SYT1: variants seen among roughly 807,000 people sequenced by gnomAD.
SYT1 encodes synaptotagmin 1.
SYT1 carries 8 observed loss-of-function variants against 44.8 expected under a neutral mutation model. That is an observed-to-expected ratio of 0.18 (90% CI 0.10 to 0.32). SYT1 has a LOEUF of 0.32. SYT1 is among the 10% of genes least tolerant of loss of function. SYT1 has a pLI of 1.00. For synonymous variants in SYT1, 154 were observed against 188.8 expected, an observed-to-expected ratio of 0.82 and a Z score of 1.51; for missense variants, 286 against 509.3, an observed-to-expected ratio of 0.56 and a Z score of 4.22.
At chr12:78,874,883 A>G (rs10778269) in intron 1 of SYT1, among the ~76,000 whole-genome samples, 64,671 of 151,304 alleles carry the variant, frequency 0.43, 16,121 homozygotes, top group Admixed American at 0.57. Flanking sequence ...AATTCTAGTT[A>G]TGTCCTTGCC....
chr12:79,034,756 C>A (rs1478354001), intron 2 of SYT1, among the ~76,000 whole-genome samples: 4 of 151,624 alleles, frequency 2.6e-5, no homozygotes, highest in Non-Finnish European at 1.5e-5. Flanking sequence ...ATATAAAGGT[C>A]CAGGATACCT....
chr12:79,014,059 G>A (rs1871613486), intron 2 of SYT1, among the ~76,000 whole-genome samples: 1 of 147,246 alleles, frequency 6.8e-6, no homozygotes, highest in South Asian at 2.2e-4. Flanking sequence ...CAGGAGGCAA[G>A]GGTTGCAGTG....
chr12:78,985,720 C>T (rs1243130319), intron 2 of SYT1, among the ~76,000 whole-genome samples: 1 of 151,870 alleles, frequency 6.6e-6, no homozygotes. Context: ...AATTCTGTTT[C>T]ATAATTTAGT....
chr12:79,378,776 G>A (rs1030634984), intron 9 of SYT1, among the ~76,000 whole-genome samples: 3 of 152,102 alleles, frequency 2.0e-5, no homozygotes, highest in Admixed American at 6.5e-5. Flanking sequence ...TGATTAATCC[G>A]AGGAACAGGC....
At chr12:79,405,337 T>C (rs1885206935) in intron 9 of SYT1, among the ~76,000 whole-genome samples, 1 of 152,102 alleles carries the variant, frequency 6.6e-6, no homozygotes, top group Admixed American at 6.6e-5. Flanking sequence ...GAAATAAATA[T>C]TACCTAGAGT....
At chr12:79,239,915 C>T (rs1003953628) in intron 4 of SYT1, among the ~76,000 whole-genome samples, 9 of 152,202 alleles carry the variant, frequency 5.9e-5, no homozygotes, top group Admixed American at 5.2e-4. Flanking sequence ...GCCAGTGGAA[C>T]ATCTCTCTCA....
At chr12:79,103,245 T>C (rs1019929970) in intron 3 of SYT1, among the ~76,000 whole-genome samples, 2 of 152,180 alleles carry the variant, frequency 1.3e-5, no homozygotes, top group Admixed American at 1.3e-4. Flanking sequence ...AAGAAAATAA[T>C]ATAAAAATCA....
intron 3 of SYT1, among the ~76,000 whole-genome samples, chr12:79,088,494 A>G (rs1877538718): frequency 6.6e-6 from 1 of 152,064 alleles, no homozygotes; most frequent in Admixed American, 6.6e-5. Flanking sequence ...GCCAGAGCGG[A>G]GTGGCTGAGG....
intron 3 of SYT1, among the ~76,000 whole-genome samples, chr12:79,190,375 G>A (rs1592838068): frequency 6.6e-6 from 1 of 151,922 alleles, no homozygotes; most frequent in African/African-American, 2.4e-5. Context: ...CATAAAACTA[G>A]ATAAAATTAG....
At chr12:78,960,682 A>G (rs1223535707) in intron 1 of SYT1, 2 of 152,188 alleles carry the variant, frequency 1.3e-5, no homozygotes, top group Non-Finnish European at 2.9e-5. Context: ...ACTTACATCA[A>G]TAGGGTTAGA....
At chr12:79,330,466 G>GA (rs1881804500) in intron 8 of SYT1, among the ~76,000 whole-genome samples, 1 of 152,124 alleles carries the variant, frequency 6.6e-6, no homozygotes, top group African/African-American at 2.4e-5. Context: ...CTACATAGAA[G>GA]AAAGAGCATG....
At chr12:79,373,541 A>G in intron 9 of SYT1, among the ~76,000 whole-genome samples, 1 of 152,156 alleles carries the variant, frequency 6.6e-6, no homozygotes, top group East Asian at 1.9e-4. Flanking sequence ...TAATGTAGCA[A>G]TTCACAAGCA....
chr12:78,927,151 AG>A (rs1372163181), intron 1 of SYT1, among the ~76,000 whole-genome samples: 1 of 152,070 alleles, frequency 6.6e-6, no homozygotes, highest in Non-Finnish European at 1.5e-5. Flanking sequence ...TGCTGTGGCT[AG>A]GGCTTCCAAA....
chr12:79,131,107 T>C (rs940593543), intron 3 of SYT1, among the ~76,000 whole-genome samples: 4 of 152,004 alleles, frequency 2.6e-5, no homozygotes, highest in African/African-American at 9.7e-5. Flanking sequence ...AATGTGTGCA[T>C]GTGTGTTTTC....
At chr12:79,237,362 G>A (rs771419404) in intron 4 of SYT1, among the ~76,000 whole-genome samples, 5 of 152,036 alleles carry the variant, frequency 3.3e-5, no homozygotes, top group Admixed American at 2.0e-4. Context: ...TATGTTATTA[G>A]TAAGACTACA....
intron 4 of SYT1, among the ~76,000 whole-genome samples, chr12:79,271,014 G>T (rs974631434): frequency 2.0e-5 from 3 of 152,178 alleles, no homozygotes; most frequent in Admixed American, 2.0e-4. Context: ...CTCCCCAATT[G>T]TTCATTCAGT....
At chr12:79,229,282 A>C (rs1223262282) in intron 4 of SYT1, among the ~76,000 whole-genome samples, 1 of 152,240 alleles carries the variant, frequency 6.6e-6, no homozygotes, top group Non-Finnish European at 1.5e-5. Context: ...AATTACAAAA[A>C]TTAACATTAA....
intron 3 of SYT1, among the ~76,000 whole-genome samples, chr12:79,094,845 TTAA>T: frequency 6.6e-6 from 1 of 151,808 alleles, no homozygotes; most frequent in Non-Finnish European, 1.5e-5. Context: ...ATGACCTAAA[TTAA>T]TAAGCCTTTT....
intron 9 of SYT1, among the ~76,000 whole-genome samples, chr12:79,423,607 C>T (rs1308742891): frequency 2.0e-5 from 3 of 152,132 alleles, no homozygotes; most frequent in Non-Finnish European, 2.9e-5. Flanking sequence ...GGCTAAAAAA[C>T]ATTTCAAGGA....
Sources: allele counts gnomAD v4.1 joint callset (sites outside exome capture counted in the v4.1 genomes callset), GRCh38; gene constraint gnomAD v4.1.1; transcripts MANE v1.5; gene names NCBI Gene and HGNC (gene_info 2026-07-23, HGNC 2026-07-21).